The following PDE10A variants were observed in gnomAD, a reference collection of about 807,000 sequenced individuals.
PDE10A encodes cAMP and cAMP-inhibited cGMP 3',5'-cyclic phosphodiesterase 10A.
In PDE10A, 39 loss-of-function variants were observed where a neutral mutation model predicts 97.7. The observed-to-expected ratio is 0.40, with a 90% CI of 0.31 to 0.52. The LOEUF is 0.52. PDE10A is among the 20% of genes least tolerant of loss of function. The pLI is 0.56. For missense variants in PDE10A, 731 were observed against 1,047.8 expected, an observed-to-expected ratio of 0.70 and a Z score of 4.17; for synonymous variants, 371 against 376.8, an observed-to-expected ratio of 0.98 and a Z score of 0.18.
At chr6:165,506,384 T>C (rs1781193642) in intron 2 of PDE10A, among the ~76,000 whole-genome samples, 1 of 152,184 alleles carries the variant, frequency 6.6e-6, no homozygotes, top group Non-Finnish European at 1.5e-5. Flanking sequence ...ATATATTCAA[T>C]ATTCTCCCCA....
chr6:165,870,328 C>T (rs183926124), intron 1 of PDE10A, among the ~76,000 whole-genome samples: 230 of 152,190 alleles, frequency 1.5e-3, no homozygotes, highest in African/African-American at 4.6e-3. Flanking sequence ...GACATACAAA[C>T]GGCCAAGAAG....
chr6:165,468,255 A>ATT (rs1169418884), intron 3 of PDE10A, among the ~76,000 whole-genome samples: 1 of 131,394 alleles, frequency 7.6e-6, no homozygotes, highest in Non-Finnish European at 1.7e-5. Flanking sequence ...ATTTTTTTTT[A>ATT]TTTTTTTTTT....
At chr6:165,565,992 T>C (rs945605451) in intron 1 of PDE10A, among the ~76,000 whole-genome samples, 9 of 151,932 alleles carry the variant, frequency 5.9e-5, no homozygotes, top group East Asian at 1.9e-4. Flanking sequence ...GAAAATAACA[T>C]AGGAGAAAAT....
At chr6:165,437,234 T>C (rs1483117080) in intron 5 of PDE10A, among the ~76,000 whole-genome samples, 1 of 144,500 alleles carries the variant, frequency 6.9e-6, no homozygotes, top group African/African-American at 2.5e-5. Context: ...AAAACGCACA[T>C]CTTTTTTTTT....
At chr6:165,619,406 A>AGTGCAGTG (rs1562634716) in intron 1 of PDE10A, among the ~76,000 whole-genome samples, 4 of 139,086 alleles carry the variant, frequency 2.9e-5, no homozygotes, top group African/African-American at 1.2e-4. Context: ...AGTGTAGTGT[A>AGTGCAGTG]GTCTAGTGTA....
At chr6:165,354,856 C>A (rs1782925353) in intron 18 of PDE10A, among the ~76,000 whole-genome samples, 1 of 152,314 alleles carries the variant, frequency 6.6e-6, no homozygotes, top group South Asian at 2.1e-4. Flanking sequence ...TGACCAAATT[C>A]TACACAGTCC....
At chr6:165,672,747 G>A (rs1009032840) in intron 1 of PDE10A, among the ~76,000 whole-genome samples, 1 of 152,160 alleles carries the variant, frequency 6.6e-6, no homozygotes, top group African/African-American at 2.4e-5. Flanking sequence ...GGAACCATGA[G>A]TCCATTAAAC....
intron 10 of PDE10A, among the ~76,000 whole-genome samples, chr6:165,425,770 C>CATGTGTGTGTGTGTGTGT (rs112669910): frequency 6.2e-5 from 9 of 144,036 alleles, no homozygotes; most frequent in African/African-American, 1.3e-4. Flanking sequence ...AAGGCATGAT[C>CATGTGTGTGTGTGTGTGT]GTGTGTGTGT....
intron 18 of PDE10A, among the ~76,000 whole-genome samples, chr6:165,360,537 T>A (rs1163826145): frequency 6.6e-6 from 1 of 152,180 alleles, no homozygotes; most frequent in Admixed American, 6.5e-5. Flanking sequence ...AAAGAGTGGA[T>A]GTTGTAGGAG....
At chr6:165,800,538 C>T (rs1460184558) in intron 1 of PDE10A, among the ~76,000 whole-genome samples, 1 of 152,144 alleles carries the variant, frequency 6.6e-6, no homozygotes, top group African/African-American at 2.4e-5. Context: ...GTCAGTGAGG[C>T]TGAGCCTTTC....
intron 5 of PDE10A, among the ~76,000 whole-genome samples, chr6:165,441,685 C>T (rs542302275): frequency 6.6e-6 from 1 of 152,318 alleles, no homozygotes; most frequent in African/African-American, 2.4e-5. Context: ...TCTTAAAGGG[C>T]TGCCTCAGTA....
At chr6:165,961,842 G>A (rs1405505129) in intron 1 of PDE10A, among the ~76,000 whole-genome samples, 1 of 152,178 alleles carries the variant, frequency 6.6e-6, no homozygotes, top group Non-Finnish European at 1.5e-5. Flanking sequence ...ATTCTTCTTA[G>A]CCAAGATCCA....
chr6:165,498,423 C>CAAAAAAAAA lies in PDE10A; in HGVS notation c.995-16089_995-16081dup. On this transcript the variant is annotated intron_variant, in intron 2 of 21. Transcript: ENST00000539869. ...GGATGACAGAGCAAGACCCTGTCTC[C>CAAAAAAAAA]AAAAAAAAAAAAAAAAAAAAAAAAA... Among the ~76,000 whole-genome samples, 44 of 22,884 alleles carry CAAAAAAAAA rather than the reference C, an allele frequency of 1.9e-3. 5 individuals are homozygous for CAAAAAAAAA. The highest frequency in any genetic ancestry group is 3.0e-3 in the Non-Finnish European group (33 of 10,972). 15.0% of individuals were successfully genotyped at this position (22,884 alleles called of 152,430 possible).
rs79293734 is a variant in PDE10A, at chr6:165,430,179, A to G, written c.1601+108T>C. On this transcript the variant is annotated intron_variant, in intron 9 of 21. Transcript: ENST00000539869. ...GTTCCCAGACTACTTGTAAAGACGG[A>G]TCTTCAGTTATCAGCTGCAATAGAC... 3,287 of 718,228 alleles carry G rather than the reference A, an allele frequency of 4.6e-3. 72 individuals are homozygous for G. The African/African-American group carries it at 0.052, about 11-fold the overall frequency. 44.5% of individuals were successfully genotyped at this position (718,228 alleles called of 1,614,324 possible).
intron 12 of PDE10A, among the ~76,000 whole-genome samples, chr6:165,415,245 C>T (rs557497201): frequency 1.1e-4 from 17 of 152,016 alleles, no homozygotes; most frequent in African/African-American, 4.1e-4. Flanking sequence ...TTCAGTGTAC[C>T]CTTAATTTAT....
chr6:165,841,262 C>T (rs1399529314), intron 1 of PDE10A, among the ~76,000 whole-genome samples: 1 of 152,210 alleles, frequency 6.6e-6, no homozygotes, highest in Non-Finnish European at 1.5e-5. Flanking sequence ...GGCAGGCCCT[C>T]CCAAAAGCAC....
At chr6:165,986,261 G>T (rs1785205828) in intron 1 of PDE10A, 2 of 153,748 alleles carry the variant, frequency 1.3e-5, no homozygotes, top group South Asian at 2.1e-4. Context: ...CCACCCCCTG[G>T]CCCTCCCCCC....
intron 1 of PDE10A, among the ~76,000 whole-genome samples, chr6:165,984,539 A>G (rs764803956): frequency 1.3e-4 from 20 of 152,256 alleles, no homozygotes; most frequent in South Asian, 2.1e-4. Context: ...AGAAAAGCCT[A>G]TGTACCTTTA....
chr6:165,637,971 T>C (rs939442772), intron 1 of PDE10A, among the ~76,000 whole-genome samples: 6 of 152,144 alleles, frequency 3.9e-5, no homozygotes, highest in African/African-American at 9.7e-5. Context: ...CCATCTCCCA[T>C]AGGTTTTTAT....
Sources: gnomAD v4.1 joint callset for allele counts (sites outside exome capture counted in the v4.1 genomes callset) on GRCh38, gnomAD v4.1.1 for gene constraint, MANE v1.5 for transcripts, NCBI Gene and HGNC (gene_info 2026-07-23, HGNC 2026-07-21) for gene names.